Variants in MYLK4 observed in about 807,000 individuals in gnomAD.
The protein encoded by MYLK4 is myosin light chain kinase family member 4.
A neutral mutation model predicts 48.1 loss-of-function variants in MYLK4; 46 were observed. That is an observed-to-expected ratio of 0.96 (90% CI 0.75 to 1.22). MYLK4 has a LOEUF of 1.22. Ranked by LOEUF, MYLK4 falls within the 50% of genes most tolerant of loss-of-function variation. The pLI, the probability that MYLK4 is intolerant of heterozygous loss-of-function variation, is 0.00. For synonymous variants in MYLK4, 170 were observed against 180.8 expected, an observed-to-expected ratio of 0.94 and a Z score of 0.48; for missense variants, 451 against 486.1, an observed-to-expected ratio of 0.93 and a Z score of 0.68.
At position 2,664,434 on chromosome 6, in the gene MYLK4, A is replaced by C. The variant is rs1413228333; in HGVS notation, c.*3491T>G. The C allele has an allele frequency of 6.6e-6, 1 of 152,182 alleles. No individual in the cohort carries two copies. The allele number at this position is 152,182 out of a possible 1,614,324, so 9.4% of individuals were successfully genotyped here. Reference sequence around the variant, plus strand: ...TTGTGCTTTTACAAGCGGACTTTCAACCGGGGTTCTGTCATTTGGCCCCCA... The same window carrying C: ...TTGTGCTTTTACAAGCGGACTTTCACCCGGGGTTCTGTCATTTGGCCCCCA... On this transcript the variant is annotated 3_prime_UTR_variant, in exon 13 of 13. Coordinates refer to ENST00000274643, the MANE Select transcript of MYLK4 (RefSeq NM_001012418.5).
At chr6:2,671,090 T>C (rs1478072948) in intron 12 of MYLK4, among the ~76,000 whole-genome samples, 186 bp downstream of exon 12, 1 of 152,152 alleles carries the variant, frequency 6.6e-6, no homozygotes, top group Non-Finnish European at 1.5e-5. Context: ...AGTCAGGCAC[T>C]GAGCTTCCTC....
intron 2 of MYLK4, among the ~76,000 whole-genome samples, chr6:2,709,911 A>C (rs1762616698): frequency 6.6e-6 from 1 of 152,220 alleles, no homozygotes; most frequent in African/African-American, 2.4e-5. Context: ...AGAAACTAAC[A>C]GTCAGGAGCT....
At chr6:2,689,460 C>T (rs1375843415) in intron 3 of MYLK4, among the ~76,000 whole-genome samples, 2 of 152,140 alleles carry the variant, frequency 1.3e-5, no homozygotes, top group Non-Finnish European at 2.9e-5. Context: ...TTATTTAAGA[C>T]ACATTTAAGG....
chr6:2,696,472 G>A (rs1762064744), intron 2 of MYLK4, among the ~76,000 whole-genome samples: 1 of 152,194 alleles, frequency 6.6e-6, no homozygotes, highest in Non-Finnish European at 1.5e-5. Flanking sequence ...GCCCTTATAA[G>A]AACCAAAATG....
intron 11 of MYLK4, 83 bp from the exon 12 acceptor site, chr6:2,671,431 C>A: frequency 7.8e-7 from 1 of 1,290,266 alleles, no homozygotes; most frequent in South Asian, 1.2e-5. Flanking sequence ...AAAAGACAAT[C>A]ACTTGCTACT....
chr6:2,768,063 AG>A, the MYLK4 span, among the ~76,000 whole-genome samples: 1 of 152,196 alleles, frequency 6.6e-6, no homozygotes, highest in African/African-American at 2.4e-5. Context: ...ATATTTGTTG[AG>A]GACCCAAGAA....
At chr6:2,766,647 T>C in the MYLK4 span, among the ~76,000 whole-genome samples, 220 of 152,292 alleles carry the variant, frequency 1.4e-3, no homozygotes, top group Non-Finnish European at 1.5e-3. Flanking sequence ...CACCCCCAGA[T>C]TGGTAAGGCA....
intron 2 of MYLK4, among the ~76,000 whole-genome samples, chr6:2,704,719 T>G (rs1440137322): frequency 6.6e-6 from 1 of 152,230 alleles, no homozygotes; most frequent in African/African-American, 2.4e-5. Context: ...TGGAAACTAA[T>G]TTTTCCAGAA....
chr6:2,693,357 A>G (rs146382041), intron 2 of MYLK4, among the ~76,000 whole-genome samples: 1 of 152,390 alleles, frequency 6.6e-6, no homozygotes, highest in African/African-American at 2.4e-5. Flanking sequence ...TGGTTGACAT[A>G]TAAATCAAAT....
Position 2,685,230 on chromosome 6 carries a change from C to G in MYLK4, c.545+66G>C. 1 of 1,220,238 alleles carries G rather than the reference C, an allele frequency of 8.2e-7. No homozygotes were observed. Among genetic ancestry groups the G allele is most frequent in the South Asian group, 1.2e-5 (1 of 81,762 alleles). 75.6% of individuals were successfully genotyped at this position (1,220,238 alleles called of 1,614,324 possible). On this transcript the variant is annotated intron_variant, in intron 6 of 12. Transcript: ENST00000274643. This position sits in a 1 kb window ranked among gnomAD's most constrained non-coding sequence, Gnocchi z 4.5. ...GTCCCGCTACAGCAGGACGGAGCTA[C>G]TGAGGCACGGTCACGGTCATGAGTG...
intron 12 of MYLK4, among the ~76,000 whole-genome samples, chr6:2,670,518 C>T (rs556781058): frequency 3.9e-5 from 6 of 152,234 alleles, no homozygotes; most frequent in African/African-American, 1.4e-4. Context: ...GGGTCTAGGC[C>T]CCCGGCAAGG....
intron 2 of MYLK4, among the ~76,000 whole-genome samples, chr6:2,716,614 G>T (rs1315028511): frequency 6.6e-6 from 1 of 152,122 alleles, no homozygotes; most frequent in Non-Finnish European, 1.5e-5. Context: ...ACAGAGCCCT[G>T]GCAGAAAACT....
At chr6:2,738,008 C>A (rs1204306592) in intron 2 of MYLK4, among the ~76,000 whole-genome samples, 2 of 124,050 alleles carry the variant, frequency 1.6e-5, no homozygotes, top group Non-Finnish European at 1.6e-5. Flanking sequence ...ATGTTATTAA[C>A]CCCAGATGAG....
chr6:2,689,106 T>A (rs6935749), intron 3 of MYLK4, 150 bp from the exon 4 acceptor site: 166,550 of 622,818 alleles, frequency 0.27, 24,604 homozygotes, highest in African/African-American at 0.44. Flanking sequence ...GGGATATAGA[T>A]TTCCACTTGA....
intron 2 of MYLK4, among the ~76,000 whole-genome samples, chr6:2,715,987 AC>A (rs1287075292): frequency 6.6e-6 from 1 of 151,048 alleles, no homozygotes; most frequent in African/African-American, 2.4e-5. Context: ...GGATTCCAGA[AC>A]CTTTGCACTC....
the MYLK4 span, among the ~76,000 whole-genome samples, chr6:2,758,864 G>A: frequency 6.6e-6 from 1 of 152,024 alleles, no homozygotes; most frequent in Non-Finnish European, 1.5e-5. Flanking sequence ...ATTACAAAAT[G>A]TATGTGTTTA....
chr6:2,688,193 G>C (rs1761632834), intron 4 of MYLK4, among the ~76,000 whole-genome samples: 1 of 151,934 alleles, frequency 6.6e-6, no homozygotes, highest in East Asian at 1.9e-4. Flanking sequence ...CGAGTAGCTG[G>C]GATTACAGGC....
At chr6:2,713,660 A>G (rs571351899) in intron 2 of MYLK4, among the ~76,000 whole-genome samples, 38 of 152,052 alleles carry the variant, frequency 2.5e-4, no homozygotes, top group Admixed American at 7.9e-4. Context: ...AAGAGAACTC[A>G]CTCCCCATCC....
intron 2 of MYLK4, among the ~76,000 whole-genome samples, chr6:2,714,651 T>C (rs775084352): frequency 5.9e-5 from 9 of 152,228 alleles, no homozygotes; most frequent in Non-Finnish European, 1.2e-4. Flanking sequence ...CAAGAGCTAT[T>C]TGTACACGTG....
Sources: gnomAD v4.1 joint callset for allele counts (sites outside exome capture counted in the v4.1 genomes callset) on GRCh38, gnomAD v4.1.1 for gene constraint, Gnocchi (gnomAD v3.1) non-coding constraint, MANE v1.5 for transcripts, NCBI Gene and HGNC (gene_info 2026-07-23, HGNC 2026-07-21) for gene names.